The following GHR variants were observed in gnomAD, a reference collection of about 807,000 sequenced individuals.
GHR encodes GH receptor.
GHR carries 35 observed loss-of-function variants against 67.1 expected under a neutral mutation model. The observed-to-expected ratio is 0.52, with a 90% confidence interval of 0.40 to 0.69. GHR has a LOEUF of 0.69. Ranked by LOEUF, GHR falls within the 30% of genes least tolerant of loss-of-function variation. GHR has a pLI of 0.00. For missense variants in GHR, 792 were observed against 764.6 expected (o/e 1.04, Z -0.42); for synonymous variants, 272 against 269.1 (o/e 1.01, Z -0.10).
Position 42,695,067 on chromosome 5 carries a change from G to T in GHR, c.417G>T (p.Lys139Asn). 6.2e-7 allele frequency: 1 copy of T among 1,610,902 alleles called. No individual in the cohort carries two copies. The highest frequency in any genetic ancestry group is 8.5e-7 in the Non-Finnish European group (1 of 1,177,148). The change falls in exon 5 of 10, where the codon AAG becomes AAT. Residue 139 changes from lysine (K) to asparagine (N), a missense_variant. Physicochemically the swap from Lys to Asn is moderately conservative, Grantham distance 94 (BLOSUM62 0). Coordinates refer to ENST00000230882, the MANE Select transcript of GHR (RefSeq NM_000163.5). Reference sequence around the variant, plus strand: ...GCAATGGTGGTACAGTGGATGAAAAGTGTTTCTCTGTTGATGAAATAGGTA... The same window carrying T: ...GCAATGGTGGTACAGTGGATGAAAATTGTTTCTCTGTTGATGAAATAGGTA... ...LTSNGGTVDE[K>N]CFSVDEIVQP...
intron 1 of GHR, among the ~76,000 whole-genome samples, chr5:42,438,831 A>G (rs1016356148): frequency 6.6e-6 from 1 of 152,132 alleles, no homozygotes; most frequent in Non-Finnish European, 1.5e-5. Context: ...CAACAGCTTG[A>G]TTCATGAAAG....
At chr5:42,533,451 G>A (rs1002890392) in intron 1 of GHR, among the ~76,000 whole-genome samples, 28 of 151,792 alleles carry the variant, frequency 1.8e-4, no homozygotes, top group African/African-American at 6.0e-4. Context: ...TTTAACACAC[G>A]TGATTTTTAA....
Position 42,718,893 on chromosome 5 carries a change from A to G in GHR, c.1386A>G (p.Glu462=). The G allele has an allele frequency of 6.2e-7, 1 of 1,614,132 alleles. No individual in the cohort carries two copies. Among genetic ancestry groups the G allele is most frequent in the South Asian group, 1.1e-5 (1 of 91,080 alleles). The change falls in exon 10 of 10, where the codon GAA becomes GAG. Residue 462 remains glutamate (E), a synonymous_variant. Transcript: ENST00000230882. The stretch of plus-strand genomic sequence containing the variant: ...ACAAACCACAACCACTTCCTACTGA[A>G]GGAGCTGAGTCAACTCACCAAGCTG... The part of the protein sequence containing the change: ...EKNKPQPLPT[E]GAESTHQAAH...
chr5:42,444,697 T>C (rs1743732219), intron 1 of GHR, among the ~76,000 whole-genome samples: 1 of 152,190 alleles, frequency 6.6e-6, no homozygotes, highest in South Asian at 2.1e-4. Context: ...TCTCAACATA[T>C]TCTATTTGTT....
chr5:42,468,823 T>G (rs558101751), intron 1 of GHR: 2 of 1,017,116 alleles, frequency 2.0e-6, no homozygotes, highest in African/African-American at 3.3e-5. Flanking sequence ...GTCGAATCGG[T>G]TGGTGACCAG....
chr5:42,588,526 CAAAAAAAAAAA>C (rs10716908), intron 2 of GHR, among the ~76,000 whole-genome samples: 3 of 45,142 alleles, frequency 6.6e-5, no homozygotes, highest in East Asian at 6.4e-4. Flanking sequence ...AACTCCATCT[CAAAAAAAAAAA>C]AAAAAAAAAA....
At chr5:42,511,821 C>A (rs185080386) in intron 1 of GHR, among the ~76,000 whole-genome samples, 1 of 152,178 alleles carries the variant, frequency 6.6e-6, no homozygotes, top group East Asian at 1.9e-4. Flanking sequence ...CATTTAAAGT[C>A]TTAATATTTC....
chr5:42,632,673 T>G (rs1482504677), intron 3 of GHR, among the ~76,000 whole-genome samples: 1 of 150,660 alleles, frequency 6.6e-6, no homozygotes, highest in Non-Finnish European at 1.5e-5. Flanking sequence ...TGTTTTTGGT[T>G]AGTAACCCCA....
chr5:42,696,912 A>G (rs1757699976), intron 5 of GHR, among the ~76,000 whole-genome samples: 1 of 152,238 alleles, frequency 6.6e-6, no homozygotes, highest in Non-Finnish European at 1.5e-5. Flanking sequence ...TCCAGCCTCC[A>G]TGCTCTTACT....
intron 6 of GHR, among the ~76,000 whole-genome samples, chr5:42,704,760 T>A (rs979651381): frequency 6.6e-6 from 1 of 152,044 alleles, no homozygotes; most frequent in Admixed American, 6.6e-5. Flanking sequence ...AAAGTCTTAG[T>A]AGGTTGTTGT....
At chr5:42,479,399 T>A (rs1745503435) in intron 1 of GHR, among the ~76,000 whole-genome samples, 1 of 152,234 alleles carries the variant, frequency 6.6e-6, no homozygotes, top group Admixed American at 6.5e-5. Flanking sequence ...GCTAGCCTCA[T>A]AAAATGAGTT....
intron 1 of GHR, among the ~76,000 whole-genome samples, chr5:42,530,351 G>A (rs1430774766): frequency 6.6e-6 from 1 of 152,194 alleles, no homozygotes; most frequent in Non-Finnish European, 1.5e-5. Flanking sequence ...TGAATACTCA[G>A]TCAAATTTTC....
chr5:42,485,996 A>G (rs1196825907), intron 1 of GHR, among the ~76,000 whole-genome samples: 2 of 152,216 alleles, frequency 1.3e-5, no homozygotes, highest in African/African-American at 4.8e-5. Flanking sequence ...AAACTTTAAT[A>G]TGTATAAAAA....
At chr5:42,572,225 G>T (rs1460615297) in intron 2 of GHR, among the ~76,000 whole-genome samples, 5 of 152,072 alleles carry the variant, frequency 3.3e-5, no homozygotes, top group Non-Finnish European at 7.4e-5. Context: ...AGACATTTTT[G>T]GGGCCTCTAC....
At chr5:42,683,509 T>C (rs1414189329) in intron 3 of GHR, among the ~76,000 whole-genome samples, 1 of 152,210 alleles carries the variant, frequency 6.6e-6, no homozygotes, top group Non-Finnish European at 1.5e-5. Flanking sequence ...GCCATATTCT[T>C]CTGATTAGAA....
intron 3 of GHR, among the ~76,000 whole-genome samples, chr5:42,663,833 T>C (rs1480819050): frequency 6.6e-6 from 1 of 152,198 alleles, no homozygotes; most frequent in African/African-American, 2.4e-5. Context: ...CATGATTGTA[T>C]ATCTAGAAAA....
chr5:42,580,265 T>C (rs1197611514), intron 2 of GHR, among the ~76,000 whole-genome samples: 3 of 152,228 alleles, frequency 2.0e-5, no homozygotes, highest in Non-Finnish European at 4.4e-5. Flanking sequence ...TACTGGGTAC[T>C]ATTTTCGGTG....
In GHR at chr5:42,666,446, C is replaced by G. The variant is rs536026202; in HGVS notation, c.137-22444C>G. 2.6e-5 allele frequency among the ~76,000 whole-genome samples: 4 copies of G among 152,198 alleles called. No homozygotes were observed. In the South Asian group the frequency reaches 8.3e-4, roughly 31 times the overall value. Reference sequence around the variant, plus strand: ...ATTTTAACTTTCCAGCACATCTCAACTGGGATGTGAAATTTTCAGCAATTA... The same window carrying G: ...ATTTTAACTTTCCAGCACATCTCAAGTGGGATGTGAAATTTTCAGCAATTA... On this transcript the variant is annotated intron_variant, in intron 3 of 9. Coordinates refer to ENST00000230882, the MANE Select transcript of GHR (RefSeq NM_000163.5).
intron 3 of GHR, among the ~76,000 whole-genome samples, chr5:42,658,708 A>G (rs1755394449): frequency 6.6e-6 from 1 of 152,028 alleles, no homozygotes. Flanking sequence ...ACTGGAAAAG[A>G]GGGGGTGCTA....
Sources: allele counts gnomAD v4.1 joint callset (sites outside exome capture counted in the v4.1 genomes callset), GRCh38; gene constraint gnomAD v4.1.1; transcripts MANE v1.5; gene names NCBI Gene and HGNC (gene_info 2026-07-23, HGNC 2026-07-21).